The following CIT variants were observed in gnomAD, a reference collection of about 807,000 sequenced individuals.
The protein encoded by CIT is citron rho-interacting serine/threonine kinase.
CIT carries 79 observed loss-of-function variants against 272.7 expected under a neutral mutation model. That is an observed-to-expected ratio of 0.29 (90% CI 0.24 to 0.35). The LOEUF (loss-of-function observed/expected upper bound fraction) is 0.35. Ranked by LOEUF, CIT falls within the 10% of genes least tolerant of loss-of-function variation. The pLI is 1.00. For missense variants in CIT, 1,909 were observed against 2,618.3 expected (o/e 0.73, Z 5.91); for synonymous variants, 948 against 995.6 (o/e 0.95, Z 0.90).
At chr12:119,704,124 G>A (rs555114926) in intron 41 of CIT, among the ~76,000 whole-genome samples, 27 of 152,240 alleles carry the variant, frequency 1.8e-4, no homozygotes, top group African/African-American at 4.8e-4. Flanking sequence ...TGGATGGGGA[G>A]GCAGTTCGCA....
chr12:119,864,190 A>G (rs1950450326), intron 3 of CIT, among the ~76,000 whole-genome samples: 1 of 152,238 alleles, frequency 6.6e-6, no homozygotes, highest in Non-Finnish European at 1.5e-5. Flanking sequence ...AATATATTGA[A>G]GATCTTATCT....
At chr12:119,773,030 A>C in intron 16 of CIT, 120 bp from the exon 17 acceptor site, 1 of 998,206 alleles carries the variant, frequency 1.0e-6, no homozygotes. Context: ...AAAAAAAAAA[A>C]AGATAGTGAC....
At chr12:119,689,914 C>T (rs1955836159) in intron 47 of CIT, among the ~76,000 whole-genome samples, 1 of 152,086 alleles carries the variant, frequency 6.6e-6, no homozygotes, top group Non-Finnish European at 1.5e-5. Flanking sequence ...TTCCTGACCT[C>T]GTGATCCACC....
chr12:119,875,217 C>T (rs1474078308), intron 2 of CIT, among the ~76,000 whole-genome samples: 1 of 151,892 alleles, frequency 6.6e-6, no homozygotes, highest in African/African-American at 2.4e-5. Flanking sequence ...GTGGGAGGAT[C>T]GTTTGAGCCC....
At chr12:119,786,103 C>G (rs1964774133) in intron 10 of CIT, among the ~76,000 whole-genome samples, 1 of 151,898 alleles carries the variant, frequency 6.6e-6, no homozygotes, top group African/African-American at 2.4e-5. Flanking sequence ...ACTCTTTACT[C>G]CCCACAGCAA....
chr12:119,721,133 A>C, intron 29 of CIT, among the ~76,000 whole-genome samples, 176 bp downstream of exon 29: 1 of 151,918 alleles, frequency 6.6e-6, no homozygotes, highest in Non-Finnish European at 1.5e-5. Context: ...CGCCAGGCTA[A>C]TTTTTGTATT....
At chr12:119,851,363 T>TAGTG (rs1173882453) in intron 4 of CIT, among the ~76,000 whole-genome samples, 1 of 151,970 alleles carries the variant, frequency 6.6e-6, no homozygotes, top group Non-Finnish European at 1.5e-5. Flanking sequence ...GGTCTGGGAG[T>TAGTG]AGTGACACAC....
chr12:119,745,381 A>AAAAAAAC lies in CIT; in HGVS notation c.2905-2918_2905-2917insGTTTTTT, dbSNP rs1555231347. ...AAAAACAGAAGAAACAAGCAAAAAA[A>AAAAAAAC]AAAAAAAAAAAAAAAAACACCTGTC... On this transcript the variant is annotated intron_variant, in intron 23 of 47. Coordinates refer to ENST00000392521, the MANE Select transcript of CIT (RefSeq NM_001206999.2). 1.2e-4 allele frequency among the ~76,000 whole-genome samples: 17 copies of AAAAAAAC among 137,552 alleles called. 1 individual carries two copies. The highest frequency in any genetic ancestry group is 2.3e-4 in the Non-Finnish European group (15 of 64,614). 90.2% of individuals were successfully genotyped at this position (137,552 alleles called of 152,430 possible).
intron 3 of CIT, among the ~76,000 whole-genome samples, chr12:119,868,004 A>C (rs1253830545): frequency 2.6e-5 from 4 of 152,218 alleles, no homozygotes; most frequent in Non-Finnish European, 5.9e-5. Flanking sequence ...TGAGGCAGGA[A>C]GACTGCTTCA....
chr12:119,772,730 C>A, intron 17 of CIT, 40 bp downstream of exon 17: 4 of 1,571,856 alleles, frequency 2.5e-6, no homozygotes, highest in Non-Finnish European at 3.4e-6. Context: ...CAGCCAAAGG[C>A]CGAGGCCGCT....
At chr12:119,706,407 T>C (rs1956880346) in intron 40 of CIT, among the ~76,000 whole-genome samples, 1 of 152,098 alleles carries the variant, frequency 6.6e-6, no homozygotes, top group Non-Finnish European at 1.5e-5. Flanking sequence ...CTAGTATCCA[T>C]TAGTTATTTT....
At chr12:119,870,283 G>A (rs1305426876) in intron 2 of CIT, among the ~76,000 whole-genome samples, 1 of 152,128 alleles carries the variant, frequency 6.6e-6, no homozygotes, top group Non-Finnish European at 1.5e-5. Context: ...AGACACGGTG[G>A]CTCACATCTG....
chr12:119,783,839 G>A, intron 12 of CIT, 69 bp downstream of exon 12: 2 of 1,503,468 alleles, frequency 1.3e-6, no homozygotes, highest in South Asian at 2.7e-5. Context: ...GAGCCATCAT[G>A]AAACAGGATG....
intron 41 of CIT, among the ~76,000 whole-genome samples, chr12:119,702,367 G>A (rs1956639903): frequency 6.6e-6 from 1 of 151,984 alleles, no homozygotes; most frequent in Admixed American, 6.6e-5. Context: ...AGGTCAAACT[G>A]CAGCCAAAAA....
At chr12:119,848,045 T>C (rs752802075) in intron 5 of CIT, among the ~76,000 whole-genome samples, 32 of 152,158 alleles carry the variant, frequency 2.1e-4, no homozygotes, top group Non-Finnish European at 1.9e-4. Context: ...CAAGGTCATC[T>C]GTGAAGGTGA....
intron 22 of CIT, among the ~76,000 whole-genome samples, chr12:119,752,898 G>C (rs1384173599): frequency 6.6e-6 from 1 of 152,152 alleles, no homozygotes; most frequent in African/African-American, 2.4e-5. Flanking sequence ...AACCAACCAT[G>C]ACCATATATC....
Position 119,728,519 on chromosome 12 carries a change from G to C in CIT, c.3574C>G (p.Gln1192Glu). The change falls in exon 28 of 48, where the codon CAG (glutamine) becomes GAG (glutamate). Residue 1192 changes from glutamine (Q) to glutamate (E), a missense_variant. Physicochemically the swap from Gln to Glu is conservative, Grantham distance 29. This residue lies in a region of CIT where 530 missense variants were observed against 822.4 expected (regional missense o/e 0.64). Transcript: ENST00000392521. The surrounding 1 kb of genome is among the most constrained non-coding windows in gnomAD (Gnocchi z 4.3). ...QKLETERELK[Q>E]RLLEEQAKLQ... ...ACACTCACCTCTTCCAGAAGCCTCT[G>C]TTTGAGCTCTCGTTCAGTCTCCAGC... The C allele has an allele frequency of 1.2e-6, 2 of 1,611,818 alleles. No individual in the cohort carries two copies. Among genetic ancestry groups the C allele is most frequent in the Non-Finnish European group, 1.7e-6 (2 of 1,178,766 alleles).
At chr12:119,820,150 T>C (rs74951065) in intron 9 of CIT, among the ~76,000 whole-genome samples, 2,748 of 152,260 alleles carry the variant, frequency 0.018, 82 homozygotes, top group African/African-American at 0.062. Flanking sequence ...AGTGGGAGAA[T>C]TGGTAAAATC....
At chr12:119,828,544 G>A (rs1593885545) in intron 7 of CIT, among the ~76,000 whole-genome samples, 1 of 151,856 alleles carries the variant, frequency 6.6e-6, no homozygotes, top group Non-Finnish European at 1.5e-5. Flanking sequence ...CTATCTGATA[G>A]GGCCCAAGTA....
Sources: allele counts gnomAD v4.1 joint callset (sites outside exome capture counted in the v4.1 genomes callset), GRCh38; gene constraint gnomAD v4.1.1; regional missense constraint gnomAD v4.1.1; non-coding constraint Gnocchi (gnomAD v3.1); transcripts MANE v1.5; gene names NCBI Gene and HGNC (gene_info 2026-07-23, HGNC 2026-07-21).